The following CDKL3 variants were observed in gnomAD, a reference collection of about 807,000 sequenced individuals.
CDKL3 encodes the protein cyclin-dependent kinase-like 3.
CDKL3 carries 65 observed loss-of-function variants against 69.3 expected under a neutral mutation model. The observed-to-expected ratio is 0.94, with a 90% CI of 0.77 to 1.15. CDKL3 has a LOEUF of 1.15. Among genes scored for constraint, CDKL3 ranks in the 50% most tolerant of loss-of-function variants. The probability of loss-of-function intolerance (pLI) is 0.00; values close to 1 mark genes in which losing one functional copy is unlikely to be tolerated. For missense variants in CDKL3, 652 were observed against 689.2 expected (o/e 0.95, Z 0.61); for synonymous variants, 202 against 221.6 (o/e 0.91, Z 0.79).
downstream of CDKL3, among the ~76,000 whole-genome samples, chr5:134,285,289 C>G (rs1764815257): frequency 6.6e-6 from 1 of 152,320 alleles, no homozygotes; most frequent in Non-Finnish European, 1.5e-5. Flanking sequence ...GAGGGCCCCA[C>G]CCCTGCAGCA....
At position 134,308,730 on chromosome 5, in the gene CDKL3, G is replaced by T; in HGVS notation, c.882-3C>A. Reference sequence around the variant, plus strand: ...TAGCTTTCAGTTCTGGCATGAATCTGACAAAACAAGCAATATCAACGAGTA... The same window carrying T: ...TAGCTTTCAGTTCTGGCATGAATCTTACAAAACAAGCAATATCAACGAGTA... On this transcript the variant is annotated splice_region_variant and splice_polypyrimidine_tract_variant and intron_variant, in intron 7 of 12. Coordinates refer to ENST00000265334, the MANE Select transcript of CDKL3 (RefSeq NM_001113575.2). 6.3e-7 allele frequency: 1 copy of T among 1,579,708 alleles called. No individual in the cohort carries two copies. The highest frequency in any genetic ancestry group is 1.2e-5 in the South Asian group (1 of 84,672).
intron 4 of CDKL3, among the ~76,000 whole-genome samples, chr5:134,330,560 C>A (rs562445706): frequency 6.6e-6 from 1 of 151,798 alleles, no homozygotes; most frequent in East Asian, 1.9e-4. Flanking sequence ...ACAAAAAATA[C>A]AAAATGTAGC....
intron 6 of CDKL3, 198 bp downstream of exon 6, chr5:134,319,160 G>A (rs971787918): frequency 4.3e-5 from 17 of 391,478 alleles, no homozygotes; most frequent in Non-Finnish European, 5.3e-5. Flanking sequence ...GTGAAACCCC[G>A]TCTCTACTGA....
At chr5:134,371,392 A>C (rs773080699), upstream of CDKL3, 10 of 698,340 alleles carry the variant, frequency 1.4e-5, no homozygotes, top group South Asian at 1.1e-4. Flanking sequence ...CTCCCCCAGC[A>C]CTCACACTGT....
At chr5:134,359,367 A>T (rs1755440029) in intron 3 of CDKL3, among the ~76,000 whole-genome samples, 1 of 152,230 alleles carries the variant, frequency 6.6e-6, no homozygotes, top group Non-Finnish European at 1.5e-5. Context: ...GCTAAAGTCA[A>T]CACTAAACAT....
chr5:134,327,738 C>A (rs990555778), intron 4 of CDKL3, among the ~76,000 whole-genome samples: 8 of 152,140 alleles, frequency 5.3e-5, no homozygotes, highest in African/African-American at 1.4e-4. Context: ...TTGATTGGAA[C>A]AGTTTGTAGA....
intron 6 of CDKL3, 31 bp from the exon 7 acceptor site, chr5:134,312,411 G>A (rs1580880113): frequency 8.4e-7 from 1 of 1,183,840 alleles, no homozygotes; most frequent in South Asian, 1.4e-5. Flanking sequence ...TAATAAGTGA[G>A]CTCTCAACAG....
chr5:134,338,023 T>C (rs1777532685), intron 4 of CDKL3, among the ~76,000 whole-genome samples: 2 of 152,184 alleles, frequency 1.3e-5, no homozygotes, highest in South Asian at 2.1e-4. Context: ...TGCAAGCCAT[T>C]AGAGCTGCCT....
At chr5:134,366,238 G>A (rs772335799) in intron 2 of CDKL3, 121 bp downstream of exon 2, 47 of 664,888 alleles carry the variant, frequency 7.1e-5, no homozygotes, top group Non-Finnish European at 1.1e-4. Flanking sequence ...ATAAGATAGA[G>A]TATTACACTT....
At chr5:134,323,460 T>G (rs1208547344) in intron 4 of CDKL3, among the ~76,000 whole-genome samples, 1 of 152,188 alleles carries the variant, frequency 6.6e-6, no homozygotes, top group African/African-American at 2.4e-5. Flanking sequence ...TGACACTACT[T>G]GACTTCAAGA....
chr5:134,323,030 G>A (rs1773211595), intron 4 of CDKL3, among the ~76,000 whole-genome samples: 1 of 151,714 alleles, frequency 6.6e-6, no homozygotes, highest in Non-Finnish European at 1.5e-5. Flanking sequence ...TGCTGAAATG[G>A]AATGATCTCC....
At chr5:134,349,069 C>A (rs1344457130) in intron 4 of CDKL3, among the ~76,000 whole-genome samples, 1 of 152,118 alleles carries the variant, frequency 6.6e-6, no homozygotes, top group East Asian at 1.9e-4. Flanking sequence ...ATTACTTGAC[C>A]TCTGTGTCTT....
At chr5:134,293,446 A>C (rs536510205), downstream of CDKL3, among the ~76,000 whole-genome samples, 2 of 152,254 alleles carry the variant, frequency 1.3e-5, no homozygotes, top group East Asian at 3.9e-4. Context: ...CAACATTAAC[A>C]AAGATAATAA....
chr5:134,298,968 G>A (rs906080659), intron 12 of CDKL3, among the ~76,000 whole-genome samples: 1 of 152,126 alleles, frequency 6.6e-6, no homozygotes, highest in South Asian at 2.1e-4. Context: ...CCGCCTCCCG[G>A]GTTCAAGCAA....
downstream of CDKL3, among the ~76,000 whole-genome samples, chr5:134,285,981 G>C (rs906860234): frequency 1.3e-5 from 2 of 152,220 alleles, no homozygotes; most frequent in Non-Finnish European, 2.9e-5. Context: ...AATTAGGTGG[G>C]TGTGGTGGCA....
intron 4 of CDKL3, among the ~76,000 whole-genome samples, chr5:134,333,810 T>A (rs929117721): frequency 1.1e-4 from 17 of 152,238 alleles, no homozygotes; most frequent in Non-Finnish European, 2.5e-4. Context: ...TGTATCATGA[T>A]GATGCTGGCC....
chr5:134,346,446 T>C (rs556508036), intron 4 of CDKL3, among the ~76,000 whole-genome samples: 2 of 152,318 alleles, frequency 1.3e-5, no homozygotes, highest in African/African-American at 4.8e-5. Flanking sequence ...AACCTATCTT[T>C]TGTTATAAGG....
At chr5:134,299,844 CT>C (rs1765889653) in intron 12 of CDKL3, 1 of 791,980 alleles carries the variant, frequency 1.3e-6, no homozygotes, top group Non-Finnish European at 2.0e-6. Context: ...TACTTTGCCC[CT>C]ATGGGTTGTT....
chr5:134,324,378 T>C (rs867135848), intron 4 of CDKL3, among the ~76,000 whole-genome samples: 17 of 152,280 alleles, frequency 1.1e-4, no homozygotes, highest in African/African-American at 4.1e-4. Flanking sequence ...TCTGTCCACA[T>C]AAAAACCTGG....
Sources: allele counts gnomAD v4.1 joint callset (sites outside exome capture counted in the v4.1 genomes callset), GRCh38; gene constraint gnomAD v4.1.1; transcripts MANE v1.5; gene names NCBI Gene and HGNC (gene_info 2026-07-23, HGNC 2026-07-21).